TENM2: variants seen among roughly 807,000 people sequenced by gnomAD.
TENM2 encodes the protein teneurin transmembrane protein 2, also known as teneurin-2.
A neutral mutation model predicts 245.2 loss-of-function variants in TENM2; 52 were observed. The observed-to-expected ratio is 0.21, with a 90% CI of 0.17 to 0.27. The LOEUF (loss-of-function observed/expected upper bound fraction) is 0.27. TENM2 is among the 10% of genes least tolerant of loss of function. The pLI is 1.00. For synonymous variants in TENM2, 1,363 were observed against 1,438.9 expected (o/e 0.95, Z 1.19); for missense variants, 3,046 against 3,666.8 (o/e 0.83, Z 4.37).
the TENM2 span, among the ~76,000 whole-genome samples, chr5:167,215,722 T>G: frequency 6.6e-6 from 1 of 152,226 alleles, no homozygotes; most frequent in Admixed American, 6.5e-5. Context: ...CCTAAGATCA[T>G]GCAACCTGTG....
intron 2 of TENM2, among the ~76,000 whole-genome samples, chr5:167,807,630 A>C: frequency 4.4e-5 from 1 of 22,632 alleles, no homozygotes; most frequent in South Asian, 1.5e-3. Flanking sequence ...TTTTTAAAAA[A>C]AAAAAAAAAG....
intron 4 of TENM2, 22 bp downstream of exon 6, chr5:167,952,844 A>C: frequency 7.0e-4 from 1,080 of 1,534,252 alleles, no homozygotes; most frequent in Non-Finnish European, 8.8e-4. Flanking sequence ...TCGCCAGCTC[A>C]CAGTCACACT....
At chr5:167,543,684 G>C (rs1261373114) in intron 2 of TENM2, among the ~76,000 whole-genome samples, 1 of 152,068 alleles carries the variant, frequency 6.6e-6, no homozygotes, top group Non-Finnish European at 1.5e-5. Flanking sequence ...CAAAATCAAG[G>C]GGTCAGTTTG....
At chr5:167,942,619 A>G (rs17069398) in intron 3 of TENM2, among the ~76,000 whole-genome samples, 1,800 of 152,218 alleles carry the variant, frequency 0.012, 33 homozygotes, top group African/African-American at 0.041. Flanking sequence ...TGGTGGTCCC[A>G]GTTTTTTTCT....
At chr5:166,979,820 T>C in the TENM2 span, among the ~76,000 whole-genome samples, 2 of 152,174 alleles carry the variant, frequency 1.3e-5, no homozygotes, top group East Asian at 1.9e-4. Context: ...CAGACTGTTA[T>C]TTCCCTGCAG....
At chr5:167,674,754 C>T (rs866802113) in intron 2 of TENM2, among the ~76,000 whole-genome samples, 1 of 152,026 alleles carries the variant, frequency 6.6e-6, no homozygotes, top group African/African-American at 2.4e-5. Context: ...AGTAACTGTA[C>T]GTGAACTTTT....
At chr5:167,199,053 A>G in the TENM2 span, among the ~76,000 whole-genome samples, 1 of 150,428 alleles carries the variant, frequency 6.6e-6, no homozygotes, top group Non-Finnish European at 1.5e-5. Flanking sequence ...TCCATTCCCA[A>G]CTTAACACTT....
chr5:167,973,611 A>AG (rs1262897817), intron 4 of TENM2, among the ~76,000 whole-genome samples: 1 of 152,202 alleles, frequency 6.6e-6, no homozygotes, highest in Non-Finnish European at 1.5e-5. Context: ...CTACCTGGTC[A>AG]GGGAAGCCTG....
chr5:168,199,900 G>A, exon 17 of TENM2: 1 of 1,613,992 alleles, frequency 6.2e-7, no homozygotes, highest in Non-Finnish European at 8.5e-7. Flanking sequence ...TGGTTCCAAT[G>A]TGAAACTTCG....
chr5:167,836,577 A>T (rs1440269341), intron 2 of TENM2, among the ~76,000 whole-genome samples: 2 of 152,314 alleles, frequency 1.3e-5, no homozygotes, highest in Non-Finnish European at 2.9e-5. Context: ...AAAAAATGTC[A>T]CACTTGTAAC....
At chr5:167,783,824 C>T (rs565862659) in intron 2 of TENM2, among the ~76,000 whole-genome samples, 53 of 152,154 alleles carry the variant, frequency 3.5e-4, no homozygotes, top group African/African-American at 1.2e-3. Flanking sequence ...TCCCAGGGTG[C>T]GTGTCTCTCC....
At chr5:167,253,251 T>G in the TENM2 span, among the ~76,000 whole-genome samples, 79 of 111,496 alleles carry the variant, frequency 7.1e-4, no homozygotes, top group African/African-American at 2.3e-3. Context: ...CCAACAGGCC[T>G]GGCTTTTTTT....
chr5:167,520,654 C>T (rs1031562404), intron 2 of TENM2, among the ~76,000 whole-genome samples: 1 of 152,034 alleles, frequency 6.6e-6, no homozygotes, highest in African/African-American at 2.4e-5. Flanking sequence ...GTTTATGATT[C>T]GTCATTCCAG....
the TENM2 span, among the ~76,000 whole-genome samples, chr5:167,033,034 A>G: frequency 2.0e-5 from 3 of 152,192 alleles, no homozygotes. Flanking sequence ...AGGTAGGGCA[A>G]TGGGAAAACG....
intron 2 of TENM2, among the ~76,000 whole-genome samples, chr5:167,765,237 T>C (rs1417872394): frequency 1.3e-5 from 2 of 152,198 alleles, no homozygotes; most frequent in Admixed American, 6.5e-5. Flanking sequence ...TTATTGTCAA[T>C]GTCAGAAGTC....
At chr5:167,022,520 T>G in the TENM2 span, among the ~76,000 whole-genome samples, 1 of 152,358 alleles carries the variant, frequency 6.6e-6, no homozygotes, top group East Asian at 1.9e-4. Context: ...CAAATTTAAC[T>G]GTATGTCCTG....
At chr5:168,081,155 T>A (rs556107765) in intron 7 of TENM2, among the ~76,000 whole-genome samples, 1 of 152,356 alleles carries the variant, frequency 6.6e-6, no homozygotes, top group East Asian at 1.9e-4. Context: ...TTAGCTCTTC[T>A]TGTTGAATTG....
At chr5:168,142,234 C>T (rs1045046146) in intron 12 of TENM2, among the ~76,000 whole-genome samples, 4 of 152,188 alleles carry the variant, frequency 2.6e-5, no homozygotes, top group Non-Finnish European at 5.9e-5. Flanking sequence ...TTTCTACTTT[C>T]GGCCCTGCTC....
the TENM2 span, among the ~76,000 whole-genome samples, chr5:167,111,257 T>C: frequency 6.6e-6 from 1 of 152,178 alleles, no homozygotes; most frequent in Non-Finnish European, 1.5e-5. Flanking sequence ...AACCCAGAGA[T>C]CAAAATATTA....
Sources: allele counts gnomAD v4.1 joint callset (sites outside exome capture counted in the v4.1 genomes callset), GRCh38; gene constraint gnomAD v4.1.1; transcripts MANE v1.5; gene names NCBI Gene and HGNC (gene_info 2026-07-23, HGNC 2026-07-21).